Variants in PPARGC1A observed in about 807,000 individuals in gnomAD.
PPARGC1A encodes the protein PPARG coactivator 1 alpha.
A neutral mutation model predicts 88.7 loss-of-function variants in PPARGC1A; 25 were observed. That is an observed-to-expected ratio of 0.28 (90% CI 0.21 to 0.39). The LOEUF is 0.39. PPARGC1A is among the 10% of genes least tolerant of loss of function. PPARGC1A has a pLI of 1.00. For synonymous variants in PPARGC1A, 363 were observed against 355.6 expected, an observed-to-expected ratio of 1.02 and a Z score of -0.24; for missense variants, 880 against 968.7, an observed-to-expected ratio of 0.91 and a Z score of 1.22.
chr4:24,132,048 G>A, the PPARGC1A span, among the ~76,000 whole-genome samples: 5 of 152,174 alleles, frequency 3.3e-5, no homozygotes, highest in Non-Finnish European at 7.3e-5. Flanking sequence ...AATTGGCCGC[G>A]GGCATTTCCT....
the PPARGC1A span, among the ~76,000 whole-genome samples, chr4:23,951,254 A>C: frequency 2.0e-5 from 3 of 152,134 alleles, no homozygotes; most frequent in South Asian, 4.1e-4. Flanking sequence ...CCAAGTAAGT[A>C]AGAGTTACAT....
chr4:24,190,391 T>C, the PPARGC1A span, among the ~76,000 whole-genome samples: 1 of 152,028 alleles, frequency 6.6e-6, no homozygotes, highest in Non-Finnish European at 1.5e-5. Flanking sequence ...GGCGGGTGCC[T>C]GTAGTCCCAG....
chr4:24,423,751 A>T, the PPARGC1A span, among the ~76,000 whole-genome samples: 2 of 152,198 alleles, frequency 1.3e-5, no homozygotes, highest in Non-Finnish European at 2.9e-5. Flanking sequence ...CCTCAATTCC[A>T]ACTGAGGCTG....
chr4:23,801,655 C>T, intron 12 of PPARGC1A, 75 bp downstream of exon 12: 2 of 1,510,062 alleles, frequency 1.3e-6, no homozygotes, highest in Non-Finnish European at 1.8e-6. Context: ...ACCCAAGGTG[C>T]CTACGGATTA....
the PPARGC1A span, among the ~76,000 whole-genome samples, chr4:24,101,863 C>T: frequency 6.6e-6 from 1 of 152,144 alleles, no homozygotes; most frequent in Admixed American, 6.5e-5. Context: ...AAGAATGGTG[C>T]TAGGTACTAA....
At chr4:23,988,755 T>G in the PPARGC1A span, among the ~76,000 whole-genome samples, 13 of 150,832 alleles carry the variant, frequency 8.6e-5, no homozygotes, top group African/African-American at 3.2e-4. Flanking sequence ...TGCATATATA[T>G]ATATACACAC....
chr4:24,213,105 C>A, the PPARGC1A span, among the ~76,000 whole-genome samples: 2 of 151,986 alleles, frequency 1.3e-5, no homozygotes, highest in South Asian at 2.1e-4. Flanking sequence ...CTTGGAAACC[C>A]ACAGGCCCTA....
At chr4:24,005,642 G>C in the PPARGC1A span, among the ~76,000 whole-genome samples, 5 of 152,266 alleles carry the variant, frequency 3.3e-5, no homozygotes, top group African/African-American at 1.2e-4. Flanking sequence ...TATTTGAGGA[G>C]CTACACCAAG....
At chr4:23,896,707 C>G (rs554877265) in intron 1 of PPARGC1A, among the ~76,000 whole-genome samples, 1 of 151,944 alleles carries the variant, frequency 6.6e-6, no homozygotes, top group African/African-American at 2.4e-5. Context: ...TTAATTAGCC[C>G]GGGTGGGGTT....
At chr4:24,127,062 C>A in the PPARGC1A span, among the ~76,000 whole-genome samples, 2 of 152,174 alleles carry the variant, frequency 1.3e-5, no homozygotes, top group African/African-American at 4.8e-5. Context: ...CTCCCAAAGT[C>A]CTGGGTCACA....
the PPARGC1A span, among the ~76,000 whole-genome samples, chr4:24,360,748 T>C: frequency 2.0e-4 from 30 of 152,248 alleles, no homozygotes; most frequent in South Asian, 1.5e-3. Flanking sequence ...AAAAGGGGAA[T>C]AGGAAGAATA....
At chr4:24,091,669 G>A in the PPARGC1A span, 1 of 983,466 alleles carries the variant, frequency 1.0e-6, no homozygotes, top group Non-Finnish European at 1.2e-6. Flanking sequence ...CAGAGGATGA[G>A]GGATCGGGCA....
chr4:24,191,906 G>C, the PPARGC1A span, among the ~76,000 whole-genome samples: 1 of 152,146 alleles, frequency 6.6e-6, no homozygotes, highest in Non-Finnish European at 1.5e-5. Context: ...CAAAAAGCTT[G>C]GGCTCAACCC....
chr4:24,059,631 A>G, the PPARGC1A span, among the ~76,000 whole-genome samples: 23 of 152,296 alleles, frequency 1.5e-4, no homozygotes, highest in African/African-American at 4.8e-4. Context: ...AGCTGTGTCT[A>G]TCACACATTC....
At chr4:23,850,862 C>A (rs939427985) in intron 2 of PPARGC1A, among the ~76,000 whole-genome samples, 4 of 152,172 alleles carry the variant, frequency 2.6e-5, no homozygotes, top group Non-Finnish European at 5.9e-5. Flanking sequence ...CCCCTCTTTT[C>A]AGTGACCCTA....
intron 2 of PPARGC1A, among the ~76,000 whole-genome samples, chr4:23,859,559 A>G (rs1457258531): frequency 6.6e-6 from 1 of 152,126 alleles, no homozygotes; most frequent in African/African-American, 2.4e-5. Context: ...AGGTGGGTGG[A>G]TCACAAGGTC....
At chr4:24,203,066 C>T in the PPARGC1A span, among the ~76,000 whole-genome samples, 1 of 152,164 alleles carries the variant, frequency 6.6e-6, no homozygotes, top group Admixed American at 6.5e-5. Flanking sequence ...GATCCATAAC[C>T]AGACAGGCAG....
At chr4:23,934,945 T>A in the PPARGC1A span, among the ~76,000 whole-genome samples, 1 of 152,228 alleles carries the variant, frequency 6.6e-6, no homozygotes, top group Non-Finnish European at 1.5e-5. Flanking sequence ...GAATTGTCTC[T>A]GCATGTGAGC....
the PPARGC1A span, among the ~76,000 whole-genome samples, chr4:24,117,694 G>A: frequency 1.3e-5 from 2 of 151,514 alleles, no homozygotes; most frequent in Non-Finnish European, 2.9e-5. Context: ...CTTGATATGA[G>A]GATAAGACCA....
Sources: allele counts gnomAD v4.1 joint callset (sites outside exome capture counted in the v4.1 genomes callset), GRCh38; gene constraint gnomAD v4.1.1; transcripts MANE v1.5; gene names NCBI Gene and HGNC (gene_info 2026-07-23, HGNC 2026-07-21).